Variants in PDAP1 observed in about 807,000 individuals in gnomAD.
The protein encoded by PDAP1 is 28 kDa heat- and acid-stable phosphoprotein.
A neutral mutation model predicts 28.0 loss-of-function variants in PDAP1; 13 were observed. That is an observed-to-expected ratio of 0.46 (90% confidence interval 0.30 to 0.74). The LOEUF (loss-of-function observed/expected upper bound fraction) is 0.74. Among genes scored for constraint, PDAP1 ranks in the 30% least tolerant of loss-of-function variants. PDAP1 has a pLI of 0.07. For missense variants in PDAP1, 150 were observed against 230.0 expected, an observed-to-expected ratio of 0.65 and a Z score of 2.25; for synonymous variants, 77 against 85.1, an observed-to-expected ratio of 0.91 and a Z score of 0.52.
intron 4 of PDAP1, among the ~76,000 whole-genome samples, chr7:99,399,878 C>G (rs907265940): frequency 6.6e-6 from 1 of 152,236 alleles, no homozygotes; most frequent in Admixed American, 6.5e-5. Context: ...CCTGGGACAG[C>G]TGGCTGAGCT....
At chr7:99,404,575 G>A (rs1396597932) in intron 2 of PDAP1, among the ~76,000 whole-genome samples, 1 of 152,162 alleles carries the variant, frequency 6.6e-6, no homozygotes, top group Non-Finnish European at 1.5e-5. Context: ...GGTCCTGCAG[G>A]AGGGAGATCC....
chr7:99,400,741 G>A (rs1033130909), intron 3 of PDAP1, among the ~76,000 whole-genome samples: 4 of 152,112 alleles, frequency 2.6e-5, no homozygotes, highest in African/African-American at 4.8e-5. Flanking sequence ...CTTCAAGCTC[G>A]GCTTCCAAAA....
intron 4 of PDAP1, 73 bp from the exon 5 acceptor site, chr7:99,398,086 A>G (rs1238629342): frequency 6.4e-6 from 10 of 1,570,446 alleles, no homozygotes; most frequent in Admixed American, 1.7e-5. Flanking sequence ...GAGTCAGAAT[A>G]AAGGCCAAGG....
intron 3 of PDAP1, among the ~76,000 whole-genome samples, chr7:99,402,044 C>A (rs1200882257): frequency 1.3e-5 from 2 of 151,760 alleles, no homozygotes; most frequent in African/African-American, 2.4e-5. Flanking sequence ...CCAAGGCAGG[C>A]AGATCACGAG....
At chr7:99,406,342 T>C (rs1794971113) in intron 1 of PDAP1, among the ~76,000 whole-genome samples, 1 of 152,088 alleles carries the variant, frequency 6.6e-6, no homozygotes, top group African/African-American at 2.4e-5. Context: ...ACATAAGCAA[T>C]TTACTGCAGA....
intron 5 of PDAP1, among the ~76,000 whole-genome samples, 185 bp from the exon 6 acceptor site, chr7:99,396,925 C>T (rs539177743): frequency 2.8e-4 from 43 of 152,238 alleles, no homozygotes; most frequent in African/African-American, 9.9e-4. Flanking sequence ...CCGACATTCC[C>T]GACACGCTTC....
chr7:99,401,867 TTG>T, intron 3 of PDAP1, among the ~76,000 whole-genome samples: 1 of 151,804 alleles, frequency 6.6e-6, no homozygotes, highest in East Asian at 2.0e-4. Context: ...TGGCTAATTT[TTG>T]TATTTTTAGT....
chr7:99,399,234 C>T (rs1000305397), intron 4 of PDAP1, among the ~76,000 whole-genome samples: 2 of 152,140 alleles, frequency 1.3e-5, no homozygotes, highest in Non-Finnish European at 2.9e-5. Flanking sequence ...GCAGATGCCT[C>T]ACTACAGAGC....
intron 2 of PDAP1, 111 bp downstream of exon 2, chr7:99,404,751 C>G: frequency 1.3e-6 from 1 of 753,272 alleles, no homozygotes; most frequent in Non-Finnish European, 2.2e-6. Flanking sequence ...CCGACCCCCA[C>G]GTGCTGGCTT....
chr7:99,398,256 A>G (rs1018622226), intron 4 of PDAP1, among the ~76,000 whole-genome samples: 1 of 152,212 alleles, frequency 6.6e-6, no homozygotes, highest in South Asian at 2.1e-4. Context: ...GAAAGGGGAC[A>G]ATGTCCAGCT....
chr7:99,398,070 G>C, intron 4 of PDAP1, 57 bp from the exon 5 acceptor site: 1 of 1,595,408 alleles, frequency 6.3e-7, no homozygotes, highest in South Asian at 1.1e-5. Flanking sequence ...TTGCCAAACT[G>C]GACGGGAGTC....
At position 99,394,698 on chromosome 7, in the gene PDAP1, GAAAA is replaced by G; in HGVS notation, c.*1980_*1983del. 2 of 1,163,600 alleles carry G rather than the reference GAAAA, an allele frequency of 1.7e-6. No individual in the cohort carries two copies. The highest frequency in any genetic ancestry group is 1.1e-6 in the Non-Finnish European group (1 of 936,100). 72.1% of individuals were successfully genotyped at this position (1,163,600 alleles called of 1,614,324 possible). On this transcript the variant is annotated 3_prime_UTR_variant, in exon 6 of 6. Transcript: ENST00000350498. The stretch of plus-strand genomic sequence containing the variant: ...TTTTTCTTAAATGCTTTCATTTATT[GAAAA>G]AAAAAAAAAATGCCCCCAAAGCACT...
At chr7:99,407,187 T>C (rs1161871265) in intron 1 of PDAP1, among the ~76,000 whole-genome samples, 1 of 152,226 alleles carries the variant, frequency 6.6e-6, no homozygotes, top group African/African-American at 2.4e-5. Context: ...CGGTTTTTTG[T>C]GGTTTTCAGA....
intron 5 of PDAP1, 85 bp downstream of exon 5, chr7:99,397,777 C>T (rs576287286): frequency 3.4e-5 from 52 of 1,521,014 alleles, no homozygotes; most frequent in Non-Finnish European, 4.4e-5. Flanking sequence ...TGTCACCTCG[C>T]GGACAGGGAC....
At chr7:99,400,447 T>C (rs1584419698) in intron 3 of PDAP1, 23 bp from the exon 4 acceptor site, 7 of 1,613,828 alleles carry the variant, frequency 4.3e-6, no homozygotes, top group Non-Finnish European at 4.2e-6. Flanking sequence ...AAGAAGCTGG[T>C]TGTTGGAGTT....
At chr7:99,396,797 A>G in intron 5 of PDAP1, 57 bp from the exon 6 acceptor site, 1 of 1,369,332 alleles carries the variant, frequency 7.3e-7, no homozygotes, top group Admixed American at 1.7e-5. Flanking sequence ...CCCCCTCCCA[A>G]CACACGTGCC....
chr7:99,401,230 A>C (rs1337650302), intron 3 of PDAP1, among the ~76,000 whole-genome samples: 1 of 152,150 alleles, frequency 6.6e-6, no homozygotes, highest in African/African-American at 2.4e-5. Context: ...CTGCAATCCT[A>C]AGCATATCCT....
At chr7:99,405,191 G>A (rs763468887) in intron 1 of PDAP1, among the ~76,000 whole-genome samples, 29 of 152,172 alleles carry the variant, frequency 1.9e-4, no homozygotes, top group Non-Finnish European at 2.1e-4. Context: ...ACAGAAGACC[G>A]GAGGGGAGAA....
chr7:99,397,143 G>A (rs1794783782), intron 5 of PDAP1, among the ~76,000 whole-genome samples: 1 of 152,172 alleles, frequency 6.6e-6, no homozygotes, highest in African/African-American at 2.4e-5. Context: ...AAGCAGGGTT[G>A]AATGGGAAGT....
Sources: allele counts gnomAD v4.1 joint callset (sites outside exome capture counted in the v4.1 genomes callset), GRCh38; gene constraint gnomAD v4.1.1; transcripts MANE v1.5; gene names NCBI Gene and HGNC (gene_info 2026-07-23, HGNC 2026-07-21).